The following ABHD16A variants were observed in gnomAD, a reference collection of about 807,000 sequenced individuals.
ABHD16A encodes phosphatidylserine lipase ABHD16A.
A neutral mutation model predicts 89.8 loss-of-function variants in ABHD16A; 47 were observed. The ratio of observed to expected loss-of-function variants is 0.52; its 90% confidence interval spans 0.41 to 0.67. ABHD16A has a LOEUF of 0.67. ABHD16A is among the 30% of genes least tolerant of loss of function. ABHD16A has a pLI of 0.00. For synonymous variants in ABHD16A, 251 were observed against 280.4 expected, an observed-to-expected ratio of 0.90 and a Z score of 1.05; for missense variants, 580 against 734.6, an observed-to-expected ratio of 0.79 and a Z score of 2.43.
rs1583709999 is a variant in ABHD16A at position 31,698,427 on chromosome 6, T to C, written c.344-1394A>G. On this transcript the variant is annotated intron_variant, in intron 4 of 19. Transcript: ENST00000395952. This position sits in a 1 kb window ranked among gnomAD's most constrained non-coding sequence, Gnocchi z 4.1. ...ATATATAAAAAAAAAATCACAAAAC[T>C]ATACATCAAAAAATTTAAAAAGGCT... 1.3e-5 allele frequency among the ~76,000 whole-genome samples: 2 copies of C among 151,968 alleles called. No homozygotes were observed. The highest frequency in any genetic ancestry group is 4.8e-5 in the African/African-American group (2 of 41,428).
chr6:31,701,453 C>T, intron 2 of ABHD16A, 113 bp from the exon 3 acceptor site: 1 of 869,378 alleles, frequency 1.2e-6, no homozygotes, highest in Non-Finnish European at 1.9e-6. Context: ...GATATCATAT[C>T]ATATTTGGTG....
At chr6:31,702,215 C>T in intron 1 of ABHD16A, 85 bp from the exon 2 acceptor site, 1 of 1,332,698 alleles carries the variant, frequency 7.5e-7, no homozygotes, top group Non-Finnish European at 1.1e-6. Context: ...TGTGTGTCCT[C>T]TGGTTCTAGT....
At chr6:31,702,238 C>T (rs1805086624) in intron 1 of ABHD16A, 108 bp from the exon 2 acceptor site, 2 of 1,110,572 alleles carry the variant, frequency 1.8e-6, no homozygotes, top group Non-Finnish European at 2.7e-6. Context: ...CGTTGACTAT[C>T]TCTCTTGAAA....
In ABHD16A at chr6:31,703,260, C is replaced by G; in HGVS notation, c.22G>C (p.Val8Leu). The G allele has an allele frequency of 7.2e-7, 1 of 1,380,808 alleles. No individual in the cohort carries two copies. Among genetic ancestry groups the G allele is most frequent in the South Asian group, 1.8e-5 (1 of 55,198 alleles). 85.5% of individuals were successfully genotyped at this position (1,380,808 alleles called of 1,614,324 possible). The change falls in exon 1 of 20, where the codon GTC (valine) becomes CTC (leucine). Residue 8 changes from valine (V) to leucine (L), a missense_variant. Transcript: ENST00000395952. MAKLLSC[V>L]LGPRLYKIYR... ...ATTTTGTAGAGCCGGGGGCCTAGGA[C>G]GCAGCTCAGCAGCTTCGCCATGGCC...
At chr6:31,692,710 A>C in intron 7 of ABHD16A, 1 of 432,062 alleles carries the variant, frequency 2.3e-6, no homozygotes. Context: ...AGATGCTACC[A>C]GAGCCTGCCC....
At chr6:31,701,241 T>G (rs761257568) in intron 3 of ABHD16A, 33 bp downstream of exon 3, 1 of 1,594,444 alleles carries the variant, frequency 6.3e-7, no homozygotes, top group Non-Finnish European at 8.6e-7. Context: ...ACCTGCCCAT[T>G]TGCTACCCCA....
intron 5 of ABHD16A, among the ~76,000 whole-genome samples, chr6:31,695,764 C>T (rs571753472): frequency 9.9e-5 from 15 of 152,248 alleles, no homozygotes; most frequent in African/African-American, 3.6e-4. Context: ...GGCACAGTGG[C>T]TCACACCTAT....
At position 31,698,007 on chromosome 6, in the gene ABHD16A, A is replaced by G. The variant is rs1194947065; in HGVS notation, c.344-974T>C. ...TGAACCAGAACTTTATGTGTCATCA[A>G]TGGTATTCCCCCAAAACGATATGAT... is the stretch of plus-strand genomic sequence containing the variant. On this transcript the variant is annotated intron_variant, in intron 4 of 19. Coordinates refer to ENST00000395952, the MANE Select transcript of ABHD16A (RefSeq NM_021160.3). The surrounding 1 kb of genome is among the most constrained non-coding windows in gnomAD (Gnocchi z 4.1). Among the ~76,000 whole-genome samples the G allele has an allele frequency of 2.6e-5, 4 of 152,242 alleles. No homozygotes were observed. Among genetic ancestry groups the G allele is most frequent in the Non-Finnish European group, 5.9e-5 (4 of 68,044 alleles).
At chr6:31,701,766 G>A (rs995669460) in intron 2 of ABHD16A, among the ~76,000 whole-genome samples, 1 of 152,208 alleles carries the variant, frequency 6.6e-6, no homozygotes, top group African/African-American at 2.4e-5. Flanking sequence ...AGCCAAAGAG[G>A]TTAGTTGCCA....
At chr6:31,701,182 T>C in intron 3 of ABHD16A, 92 bp downstream of exon 3, 3 of 1,411,906 alleles carry the variant, frequency 2.1e-6, no homozygotes, top group Non-Finnish European at 3.0e-6. Context: ...AGCCAAGCCA[T>C]CTTCACAGGT....
At chr6:31,702,010 G>T in intron 2 of ABHD16A, 64 bp downstream of exon 2, 8 of 1,592,300 alleles carry the variant, frequency 5.0e-6, no homozygotes, top group Non-Finnish European at 6.9e-6. Context: ...GTTAGGGAGG[G>T]CTAAGTTCAA....
At chr6:31,702,983 C>T in intron 1 of ABHD16A, 167 bp downstream of exon 1, 1 of 1,339,308 alleles carries the variant, frequency 7.5e-7, no homozygotes, top group Non-Finnish European at 9.6e-7. Flanking sequence ...GCGGCCAGTC[C>T]GTAGGCGTGA....
Position 31,701,267 on chromosome 6 carries a change from C to T in ABHD16A, c.256+7G>A, listed in dbSNP as rs1477749539. On this transcript the variant is annotated splice_region_variant and intron_variant, in intron 3 of 19. Transcript: ENST00000395952. The stretch of plus-strand genomic sequence containing the variant: ...TGCTACCCCACCACCTTTGAAACCA[C>T]ACTGACCTTTCCTGTACAAGTAGAA... 9 of 1,611,914 alleles carry T rather than the reference C, an allele frequency of 5.6e-6. No homozygotes were observed. Among genetic ancestry groups the T allele is most frequent in the Non-Finnish European group, 7.6e-6 (9 of 1,178,230 alleles).
At position 31,701,296 on chromosome 6, in the gene ABHD16A, G is replaced by T. The variant is rs1474006031; in HGVS notation, c.234C>A (p.Ala78=). 24 of 1,613,450 alleles carry T rather than the reference G, an allele frequency of 1.5e-5. No individual in the cohort carries two copies. Among genetic ancestry groups the T allele is most frequent in the Non-Finnish European group, 1.9e-5 (23 of 1,179,802 alleles). The change falls in exon 3 of 20, where the codon GCC becomes GCA. Residue 78 remains alanine, a synonymous_variant. Transcript: ENST00000395952. The stretch of plus-strand genomic sequence containing the variant: ...GACCTTTCCTGTACAAGTAGAAGAA[G>T]GCGAAGGGAGAGGAGTAATAAGAGA... The part of the protein sequence containing the change: ...WSISYYSSPF[A]FFYLYRKGYL...
chr6:31,701,139 C>T, intron 3 of ABHD16A, 111 bp from the exon 4 acceptor site: 1 of 1,329,482 alleles, frequency 7.5e-7, no homozygotes, highest in Non-Finnish European at 1.1e-6. Flanking sequence ...CAGCCATACC[C>T]TAAGAGGAAG....
rs764494723 is a variant in ABHD16A at position 31,688,253 on chromosome 6, T to A, written c.1303A>T (p.Thr435Ser). ...CCGAGATTCCCACGCACTCACGTGG[T>A]GGTGATGATCTCATCCTTGGTTCTC... Reference protein sequence around the residue: ...IRRTKDEIITTTVPEDIMSNR... With the variant: ...IRRTKDEIITSTVPEDIMSNR... The change falls in exon 15 of 20, where the codon ACC becomes TCC. Residue 435 changes from threonine (T) to serine (S), a missense_variant. This residue lies in a region of ABHD16A where 415 missense variants were observed against 568.8 expected (regional missense o/e 0.73). Transcript: ENST00000395952. The surrounding 1 kb of genome is among the most constrained non-coding windows in gnomAD (Gnocchi z 4.9). 1 of 1,613,890 alleles carries A rather than the reference T, an allele frequency of 6.2e-7. No individual in the cohort carries two copies. The highest frequency in any genetic ancestry group is 8.5e-7 in the Non-Finnish European group (1 of 1,179,890).
chr6:31,697,774 A>G (rs1418808071), intron 4 of ABHD16A, among the ~76,000 whole-genome samples: 1 of 152,186 alleles, frequency 6.6e-6, no homozygotes, highest in Non-Finnish European at 1.5e-5. Flanking sequence ...GAGCCACCTC[A>G]AACCCTAACT....
intron 11 of ABHD16A, 137 bp downstream of exon 11, chr6:31,689,941 A>G: frequency 8.4e-7 from 1 of 1,192,184 alleles, no homozygotes; most frequent in Non-Finnish European, 1.2e-6. Context: ...TGCTGCCTTC[A>G]CAACCTCCTA....
rs1803763137 is a variant in ABHD16A, at chr6:31,690,491, C to T, written c.907+48G>A. On this transcript the variant is annotated intron_variant, in intron 10 of 19. Coordinates refer to ENST00000395952, the MANE Select transcript of ABHD16A (RefSeq NM_021160.3). This position sits in a 1 kb window ranked among gnomAD's most constrained non-coding sequence, Gnocchi z 4.1. The stretch of plus-strand genomic sequence containing the variant: ...GTCAGGTCAGTGTGGGAGGCAGGGA[C>T]ATTCCCTTTCAAAGGGCGGAGATAA... 1 of 1,595,370 alleles carries T rather than the reference C, an allele frequency of 6.3e-7. No individual in the cohort carries two copies. Among genetic ancestry groups the T allele is most frequent in the South Asian group, 1.1e-5 (1 of 90,726 alleles).
Sources: gnomAD v4.1 joint callset for allele counts (sites outside exome capture counted in the v4.1 genomes callset) on GRCh38, gnomAD v4.1.1 for gene constraint, gnomAD v4.1.1 regional missense constraint, Gnocchi (gnomAD v3.1) non-coding constraint, MANE v1.5 for transcripts, NCBI Gene and HGNC (gene_info 2026-07-23, HGNC 2026-07-21) for gene names.